RABGAP1L: variants seen among roughly 807,000 people sequenced by gnomAD.
The protein encoded by RABGAP1L is RAB GTPase activating protein 1 like.
A neutral mutation model predicts 137.7 loss-of-function variants in RABGAP1L; 63 were observed. The ratio of observed to expected loss-of-function variants is 0.46; its 90% CI spans 0.37 to 0.56. The LOEUF is 0.56. Ranked by LOEUF, RABGAP1L falls within the 20% of genes least tolerant of loss-of-function variation. RABGAP1L has a pLI of 0.00. For synonymous variants in RABGAP1L, 431 were observed against 433.7 expected (o/e 0.99, Z 0.08); for missense variants, 1,095 against 1,244.0 (o/e 0.88, Z 1.80).
intron 19 of RABGAP1L, among the ~76,000 whole-genome samples, chr1:174,848,272 G>GA (rs1471039895): frequency 1.1e-5 from 1 of 90,980 alleles, no homozygotes; most frequent in Admixed American, 1.2e-4. Context: ...TGCTGGTGAG[G>GA]AACTGCGTTC....
chr1:174,608,426 G>T (rs986494326), intron 13 of RABGAP1L, among the ~76,000 whole-genome samples: 1 of 152,124 alleles, frequency 6.6e-6, no homozygotes, highest in Admixed American at 6.5e-5. Flanking sequence ...ATGTAAAAAA[G>T]TATTATATAA....
intron 18 of RABGAP1L, among the ~76,000 whole-genome samples, chr1:174,776,013 TC>T (rs748049912): frequency 2.6e-5 from 4 of 152,198 alleles, no homozygotes; most frequent in Admixed American, 6.5e-5. Context: ...TGTGTAGCTG[TC>T]CCCTGGTTCT....
chr1:174,162,944 GA>G (rs1195861539), intron 1 of RABGAP1L, among the ~76,000 whole-genome samples: 1 of 120,588 alleles, frequency 8.3e-6, no homozygotes, highest in East Asian at 3.1e-4. Context: ...CTGTGGTGGG[GA>G]GGGGGGAGGG....
intron 19 of RABGAP1L, among the ~76,000 whole-genome samples, chr1:174,849,073 G>C (rs1355380479): frequency 6.6e-6 from 1 of 152,198 alleles, no homozygotes; most frequent in African/African-American, 2.4e-5. Context: ...GCAATGCCTC[G>C]CCCTGCTTCG....
chr1:174,891,990 TAAAAG>T (rs1656227778), intron 19 of RABGAP1L, among the ~76,000 whole-genome samples: 1 of 152,140 alleles, frequency 6.6e-6, no homozygotes, highest in Non-Finnish European at 1.5e-5. Flanking sequence ...TATAAAACAA[TAAAAG>T]AAAATCAATA....
At chr1:174,651,924 C>G (rs1037487951) in intron 14 of RABGAP1L, among the ~76,000 whole-genome samples, 1 of 152,050 alleles carries the variant, frequency 6.6e-6, no homozygotes, top group Non-Finnish European at 1.5e-5. Flanking sequence ...CAGTTTTTTC[C>G]TAGACTCGAT....
Position 174,305,739 on chromosome 1 carries a change from T to C in RABGAP1L, c.1465+612T>C. ...TAATTATAGCCTTTTTTTTCTATTT[T>C]ATTTTTTCTATTTTATTCTTTGCAT... is the stretch of plus-strand genomic sequence containing the variant. On this transcript the variant is annotated intron_variant, in intron 11 of 25. Transcript: ENST00000681986. Among the ~76,000 whole-genome samples the C allele has an allele frequency of 4.6e-5, 7 of 151,946 alleles. 2 individuals are homozygous for C. The highest frequency in any genetic ancestry group is 4.6e-4 in the Admixed American group (7 of 15,264).
rs1345966085 is a variant in RABGAP1L, at chr1:174,172,206, GTGTGTGTGTGTA to G, written c.-34+12551_-34+12562del. 7.1e-5 allele frequency among the ~76,000 whole-genome samples: 10 copies of G among 141,078 alleles called. No homozygotes were observed. The South Asian group carries it at 8.8e-4, about 12-fold the overall frequency. 92.6% of individuals were successfully genotyped at this position (141,078 alleles called of 152,430 possible). A position where few individuals can be genotyped will look rare whatever the true frequency, so the allele number is the denominator to read the frequency against. On this transcript the variant is annotated intron_variant, in intron 1 of 25. Coordinates refer to ENST00000681986, the MANE Select transcript of RABGAP1L (RefSeq NM_001366446.1). The stretch of plus-strand genomic sequence containing the variant: ...TGTGTGTGTGTGTGTGTGTGTGTGT[GTGTGTGTGTGTA>G]TATATGCCACAAATTCTTTATCTGT...
intron 13 of RABGAP1L, among the ~76,000 whole-genome samples, chr1:174,621,924 A>G (rs988459371): frequency 6.6e-5 from 10 of 152,132 alleles, no homozygotes; most frequent in Admixed American, 1.3e-4. Context: ...GCAACCTACA[A>G]AATGGGAGAA....
chr1:174,624,316 A>G (rs541189601), intron 13 of RABGAP1L, among the ~76,000 whole-genome samples: 2 of 152,284 alleles, frequency 1.3e-5, no homozygotes, highest in Non-Finnish European at 2.9e-5. Flanking sequence ...TCCCATAGCT[A>G]ACATTGCCCA....
chr1:174,647,940 T>C (rs1034291645), intron 14 of RABGAP1L, among the ~76,000 whole-genome samples: 5 of 152,248 alleles, frequency 3.3e-5, no homozygotes, highest in Admixed American at 6.5e-5. Context: ...CTTGGGAGGG[T>C]GTATGTATTC....
At chr1:174,678,043 TA>T (rs1190404880) in intron 14 of RABGAP1L, among the ~76,000 whole-genome samples, 1 of 152,126 alleles carries the variant, frequency 6.6e-6, no homozygotes, top group Non-Finnish European at 1.5e-5. Context: ...AATATAAGTT[TA>T]AACTTTTATG....
chr1:174,431,390 A>G (rs1652609626), intron 13 of RABGAP1L, among the ~76,000 whole-genome samples: 1 of 152,192 alleles, frequency 6.6e-6, no homozygotes, highest in African/African-American at 2.4e-5. Context: ...GTTGTAAGCC[A>G]TGGGAAATGT....
intron 14 of RABGAP1L, 79 bp downstream of exon 14, chr1:174,637,567 C>G (rs1194724640): frequency 2.0e-6 from 2 of 1,020,064 alleles, no homozygotes; most frequent in East Asian, 2.5e-5. Context: ...TTTTTTTACT[C>G]TGTCTTCATT....
chr1:174,910,116 G>T (rs1263041136), intron 19 of RABGAP1L, among the ~76,000 whole-genome samples: 1 of 152,088 alleles, frequency 6.6e-6, no homozygotes, highest in Non-Finnish European at 1.5e-5. Context: ...TCCAACCTGG[G>T]TGACAGAGTG....
At chr1:174,935,277 TA>T (rs751405559) in intron 19 of RABGAP1L, 1 of 152,258 alleles carries the variant, frequency 6.6e-6, no homozygotes, top group Non-Finnish European at 1.5e-5. Flanking sequence ...AAAATTTTTG[TA>T]AATATCTTTG....
chr1:174,794,539 C>T (rs1688098754), intron 18 of RABGAP1L, among the ~76,000 whole-genome samples: 1 of 152,190 alleles, frequency 6.6e-6, no homozygotes, highest in Non-Finnish European at 1.5e-5. Context: ...TGTTGCCATA[C>T]AGAAGCTCAG....
chr1:174,951,035 G>A (rs1667626829), intron 19 of RABGAP1L, among the ~76,000 whole-genome samples: 1 of 152,208 alleles, frequency 6.6e-6, no homozygotes, highest in Non-Finnish European at 1.5e-5. Flanking sequence ...AATGCTCTGT[G>A]TTTTAACTGG....
intron 19 of RABGAP1L, among the ~76,000 whole-genome samples, chr1:174,907,129 G>T (rs188652180): frequency 3.9e-4 from 59 of 152,048 alleles, no homozygotes; most frequent in Non-Finnish European, 5.3e-4. Flanking sequence ...TAAGTATACG[G>T]ATAAACCCAA....
Sources: gnomAD v4.1 joint callset for allele counts (sites outside exome capture counted in the v4.1 genomes callset) on GRCh38, gnomAD v4.1.1 for gene constraint, MANE v1.5 for transcripts, NCBI Gene and HGNC (gene_info 2026-07-23, HGNC 2026-07-21) for gene names.